Variants in LARP1 observed in about 807,000 individuals in gnomAD.
LARP1 encodes the protein la-related protein 1.
LARP1 carries 36 observed loss-of-function variants against 122.7 expected under a neutral mutation model. The ratio of observed to expected loss-of-function variants is 0.29; its 90% CI spans 0.22 to 0.39. The LOEUF is 0.39. Ranked by LOEUF, LARP1 falls within the 10% of genes least tolerant of loss-of-function variation. The pLI, the probability that LARP1 is intolerant of heterozygous loss-of-function variation, is 1.00. For missense variants in LARP1, 1,040 were observed against 1,403.6 expected, an observed-to-expected ratio of 0.74 and a Z score of 4.14; for synonymous variants, 539 against 528.7, an observed-to-expected ratio of 1.02 and a Z score of -0.27.
At chr5:154,778,199 G>A (rs1341533120) in intron 1 of LARP1, among the ~76,000 whole-genome samples, 1 of 150,872 alleles carries the variant, frequency 6.6e-6, no homozygotes, top group Non-Finnish European at 1.5e-5. Flanking sequence ...GTTAGAGCTT[G>A]CAGTGAGCCG....
intron 1 of LARP1, among the ~76,000 whole-genome samples, chr5:154,782,483 G>T (rs1330277833): frequency 6.6e-6 from 1 of 152,142 alleles, no homozygotes; most frequent in Admixed American, 6.5e-5. Context: ...GGGCCACCTG[G>T]GTCACCACAG....
upstream of LARP1, among the ~76,000 whole-genome samples, chr5:154,754,638 C>G (rs903299096): frequency 1.3e-5 from 2 of 152,260 alleles, no homozygotes; most frequent in African/African-American, 4.8e-5. Flanking sequence ...TTCCCACTTC[C>G]TAGGCGCCGG....
At chr5:154,769,826 G>A (rs968745064) in intron 1 of LARP1, among the ~76,000 whole-genome samples, 1 of 152,242 alleles carries the variant, frequency 6.6e-6, no homozygotes, top group Non-Finnish European at 1.5e-5. Flanking sequence ...TTCAGTCAAA[G>A]TGTTGGGGAG....
intron 1 of LARP1, among the ~76,000 whole-genome samples, chr5:154,779,985 C>T (rs566655764): frequency 1.3e-5 from 2 of 152,122 alleles, no homozygotes; most frequent in Admixed American, 6.5e-5. Flanking sequence ...CTGAAGGAGC[C>T]TGTAGGCCAT....
intron 1 of LARP1, among the ~76,000 whole-genome samples, chr5:154,738,157 T>G (rs1364759421): frequency 6.6e-6 from 1 of 152,246 alleles, no homozygotes; most frequent in Non-Finnish European, 1.5e-5. Context: ...TGTGGGATAC[T>G]GTTTGCTGCC....
At chr5:154,697,676 A>G (rs1754527210) in intron 1 of LARP1, among the ~76,000 whole-genome samples, 1 of 152,240 alleles carries the variant, frequency 6.6e-6, no homozygotes, top group Non-Finnish European at 1.5e-5. Context: ...ACCACATATT[A>G]TGATTCCATT....
intron 1 of LARP1, among the ~76,000 whole-genome samples, chr5:154,690,738 G>A (rs950177478): frequency 1.3e-4 from 19 of 144,634 alleles, no homozygotes; most frequent in African/African-American, 4.2e-4. Flanking sequence ...TGCGGAGGAC[G>A]CGCAGGTCTC....
chr5:154,806,822 A>G (rs1386104825), intron 15 of LARP1, among the ~76,000 whole-genome samples: 2 of 152,242 alleles, frequency 1.3e-5, no homozygotes, highest in Non-Finnish European at 2.9e-5. Context: ...GATATAATCT[A>G]CATATGATGG....
upstream of LARP1, among the ~76,000 whole-genome samples, chr5:154,754,444 G>A (rs918727949): frequency 3.9e-5 from 6 of 152,208 alleles, no homozygotes; most frequent in African/African-American, 9.7e-5. Flanking sequence ...TGGTAAGGGG[G>A]CAGGGCCAGG....
intron 1 of LARP1, among the ~76,000 whole-genome samples, chr5:154,781,213 G>A (rs1756397847): frequency 1.3e-5 from 2 of 152,188 alleles, no homozygotes; most frequent in East Asian, 3.9e-4. Context: ...CAACCTGTCT[G>A]AGACGATTGG....
At chr5:154,683,413 A>G (rs1318000565) in intron 1 of LARP1, among the ~76,000 whole-genome samples, 6 of 152,228 alleles carry the variant, frequency 3.9e-5, no homozygotes, top group African/African-American at 1.4e-4. Flanking sequence ...CATTTCTTGG[A>G]AAATCAGATT....
At chr5:154,796,802 C>T (rs915955042) in intron 8 of LARP1, among the ~76,000 whole-genome samples, 16 of 152,144 alleles carry the variant, frequency 1.1e-4, no homozygotes, top group African/African-American at 3.9e-4. Context: ...ATAGTTTGTT[C>T]AGGAAGGGCA....
chr5:154,782,429 G>T (rs929939029), intron 1 of LARP1, among the ~76,000 whole-genome samples: 3 of 152,106 alleles, frequency 2.0e-5, no homozygotes, highest in Admixed American at 1.3e-4. Context: ...ACAGCCACCC[G>T]AGGGTGGCTG....
In LARP1 at chr5:154,701,105, G is replaced by A. The variant is rs115108633; in HGVS notation, c.-180+18068G>A. ...ATTACAGTTGTGAGCCACTGTGCTC[G>A]CTCTGAGTTGGTGTTTTCTTTTGTT... On this transcript the variant is annotated intron_variant, in intron 1 of 18. Coordinates refer to the LARP1 transcript ENST00000687700. Among the ~76,000 whole-genome samples the A allele has an allele frequency of 8.6e-3, 1,311 of 152,238 alleles. 19 individuals are homozygous for A. Among genetic ancestry groups the A allele is most frequent in the African/African-American group, 0.03 (1,230 of 41,554 alleles).
chr5:154,799,253 A>G (rs1454205518), intron 8 of LARP1, among the ~76,000 whole-genome samples: 1 of 152,212 alleles, frequency 6.6e-6, no homozygotes, highest in South Asian at 2.1e-4. Context: ...GGTATTTTAT[A>G]GTTCTTTTTC....
chr5:154,773,886 A>G (rs1297980998), intron 1 of LARP1, among the ~76,000 whole-genome samples: 4 of 152,162 alleles, frequency 2.6e-5, no homozygotes, highest in African/African-American at 9.7e-5. Context: ...GTAGTTGCAG[A>G]AGGGGACATG....
chr5:154,743,921 G>A (rs1753042487), intron 1 of LARP1, among the ~76,000 whole-genome samples: 1 of 152,136 alleles, frequency 6.6e-6, no homozygotes, highest in African/African-American at 2.4e-5. Flanking sequence ...CACCCGGCCA[G>A]GGCTATAGTG....
chr5:154,792,012 A>G (rs1402279819), intron 3 of LARP1: 9 of 455,342 alleles, frequency 2.0e-5, no homozygotes, highest in Non-Finnish European at 3.1e-5. Flanking sequence ...ATTGGAAGTC[A>G]GGTGTGTTGT....
At chr5:154,793,468 G>A (rs1308004506) in intron 4 of LARP1, 127 bp from the exon 5 acceptor site, 14 of 1,167,768 alleles carry the variant, frequency 1.2e-5, no homozygotes, top group South Asian at 2.8e-5. Context: ...GTGGGAAAGG[G>A]ATCTGCCCAA....
Sources: gnomAD v4.1 joint callset for allele counts (sites outside exome capture counted in the v4.1 genomes callset) on GRCh38, gnomAD v4.1.1 for gene constraint, MANE v1.5 for transcripts, NCBI Gene and HGNC (gene_info 2026-07-23, HGNC 2026-07-21) for gene names.